The following NBEAL1 variants were observed in gnomAD, a reference collection of about 807,000 sequenced individuals.
NBEAL1 encodes neurobeachin-like protein 1.
NBEAL1 carries 273 observed loss-of-function variants against 351.3 expected under a neutral mutation model. That is an observed-to-expected ratio of 0.78 (90% CI 0.70 to 0.86). The LOEUF (loss-of-function observed/expected upper bound fraction) is 0.86, where lower values mean the gene tolerates loss of function less well. NBEAL1 is among the 40% of genes least tolerant of loss of function. The pLI is 0.00. For missense variants in NBEAL1, 2,961 were observed against 3,201.3 expected (o/e 0.92, Z 1.81); for synonymous variants, 1,050 against 1,086.4 (o/e 0.97, Z 0.66).
intron 1 of NBEAL1, among the ~76,000 whole-genome samples, chr2:203,015,420 C>A (rs2060661450): frequency 6.6e-6 from 1 of 151,756 alleles, no homozygotes. Context: ...CTCCCCCGCC[C>A]CCACGCCCTG....
At position 203,110,063 on chromosome 2, in the gene NBEAL1, A is replaced by G. The variant is rs991789747; in HGVS notation, c.1950-87A>G. 6 of 1,289,986 alleles carry G rather than the reference A, an allele frequency of 4.7e-6. No homozygotes were observed. In the South Asian group the frequency reaches 6.5e-5, roughly 14 times the overall value. 79.9% of individuals were successfully genotyped at this position (1,289,986 alleles called of 1,614,324 possible). ...CACAGAATTGTGGGTAAAGATGTTCATGATGGCTTTATGGTTTTATGTACT... is the reference window on the plus strand; with the variant it reads ...CACAGAATTGTGGGTAAAGATGTTCGTGATGGCTTTATGGTTTTATGTACT... On this transcript the variant is annotated intron_variant, in intron 14 of 55. Transcript: ENST00000683969.
intron 31 of NBEAL1, among the ~76,000 whole-genome samples, chr2:203,140,682 AAAAT>A (rs538112620): frequency 1.0e-3 from 159 of 152,320 alleles, no homozygotes; most frequent in African/African-American, 3.6e-3. Context: ...GAACTTAAAA[AAAAT>A]GATTATACTC....
chr2:203,030,079 CAGA>C (rs1251571290), intron 2 of NBEAL1, among the ~76,000 whole-genome samples: 1 of 152,164 alleles, frequency 6.6e-6, no homozygotes, highest in Non-Finnish European at 1.5e-5. Flanking sequence ...TTAATAGTTA[CAGA>C]AGATGTTCCA....
chr2:203,157,725 G>A lies in NBEAL1; in HGVS notation c.5614G>A (p.Asp1872Asn), dbSNP rs770713636. 1 of 1,600,064 alleles carries A rather than the reference G, an allele frequency of 6.2e-7. No homozygotes were observed. ...LGIQHSQPSS[D>N]TLLLEVVKQV... ...TATCCAACACTCACAGCCTTCCAGT[G>A]ATACATTGCTTTTGGAAGTAGTGAA... is the stretch of plus-strand genomic sequence containing the variant. Residue 1872 changes from aspartate to asparagine, a missense_variant, in exon 36 of 56, where the codon GAT (aspartate) becomes AAT (asparagine). Physicochemically the swap from Asp to Asn is conservative, Grantham distance 23 (BLOSUM62 1). Transcript: ENST00000683969.
intron 38 of NBEAL1, among the ~76,000 whole-genome samples, chr2:203,168,666 T>A (rs1053502858): frequency 1.3e-5 from 2 of 152,008 alleles, no homozygotes; most frequent in Non-Finnish European, 2.9e-5. Context: ...GAGGCCAAGG[T>A]GGCTGGATCA....
intron 7 of NBEAL1, among the ~76,000 whole-genome samples, chr2:203,071,517 A>G (rs1476253823): frequency 1.3e-5 from 2 of 152,148 alleles, no homozygotes; most frequent in Non-Finnish European, 2.9e-5. Flanking sequence ...AGTTCACTCT[A>G]TACCACTCTG....
chr2:203,210,651 G>A (rs552166737), intron 53 of NBEAL1, among the ~76,000 whole-genome samples: 5 of 152,278 alleles, frequency 3.3e-5, no homozygotes, highest in African/African-American at 1.2e-4. Flanking sequence ...GTGACAGAAC[G>A]AGGCTCCATC....
At chr2:203,138,585 T>G (rs375443871) in intron 30 of NBEAL1, 35 bp from the exon 31 acceptor site, 192 of 1,551,766 alleles carry the variant, frequency 1.2e-4, no homozygotes, top group Middle Eastern at 5.2e-4. Context: ...AAAAACTGAA[T>G]GTTTTTATTT....
chr2:203,206,468 C>A (rs2065565812), intron 51 of NBEAL1, among the ~76,000 whole-genome samples: 1 of 152,114 alleles, frequency 6.6e-6, no homozygotes, highest in Non-Finnish European at 1.5e-5. Flanking sequence ...GATGCCGAGC[C>A]AAAGCTGGAC....
At chr2:203,162,790 T>C (rs1456029043) in intron 36 of NBEAL1, among the ~76,000 whole-genome samples, 1 of 152,180 alleles carries the variant, frequency 6.6e-6, no homozygotes, top group African/African-American at 2.4e-5. Flanking sequence ...CAAATTAATA[T>C]AATATCAAAA....
intron 18 of NBEAL1, 123 bp from the exon 19 acceptor site, chr2:203,122,131 T>C (rs954762864): frequency 1.8e-6 from 1 of 560,280 alleles, no homozygotes; most frequent in African/African-American, 2.0e-5. Context: ...AAATTCATAT[T>C]ATGGGCATCT....
intron 51 of NBEAL1, among the ~76,000 whole-genome samples, chr2:203,206,859 AG>A (rs1204335754): frequency 6.7e-6 from 1 of 148,732 alleles, no homozygotes; most frequent in Non-Finnish European, 1.5e-5. Flanking sequence ...GGAAGTGAGG[AG>A]GGTCTCTGCC....
At chr2:203,178,189 G>C (rs1175871735) in intron 42 of NBEAL1, among the ~76,000 whole-genome samples, 5 of 138,500 alleles carry the variant, frequency 3.6e-5, no homozygotes, top group Non-Finnish European at 7.6e-5. Context: ...TTCTGAGACA[G>C]AGTCTCACTC....
At chr2:203,108,444 G>A (rs1169426978) in intron 14 of NBEAL1, among the ~76,000 whole-genome samples, 2 of 151,574 alleles carry the variant, frequency 1.3e-5, no homozygotes, top group African/African-American at 4.9e-5. Context: ...TGTCACCCAG[G>A]CTAGAGTGCA....
intron 2 of NBEAL1, among the ~76,000 whole-genome samples, chr2:203,033,857 CTCTG>C (rs2060993257): frequency 6.6e-6 from 1 of 152,136 alleles, no homozygotes; most frequent in Admixed American, 6.5e-5. Context: ...GCTGTTTTCT[CTCTG>C]TCTGGATTCC....
Position 203,136,202 on chromosome 2 carries a change from A to G in NBEAL1, c.4339A>G (p.Thr1447Ala). The change falls in exon 28 of 56, where the codon ACA (threonine) becomes GCA (alanine). Residue 1447 changes from threonine (T) to alanine (A), a missense_variant. Thr to Ala is a moderately conservative substitution (Grantham distance 58). Coordinates refer to ENST00000683969, the MANE Select transcript of NBEAL1 (RefSeq NM_001378026.1). Reference sequence around the variant, plus strand: ...GCACTCTGACAGAGAAAGCAGCATCACAAATGATATGGGCTTTAGTGATGA... The same window carrying G: ...GCACTCTGACAGAGAAAGCAGCATCGCAAATGATATGGGCTTTAGTGATGA... ...SVHSDRESSI[T>A]NDMGFSDDFS... 1 of 1,610,418 alleles carries G rather than the reference A, an allele frequency of 6.2e-7. No individual in the cohort carries two copies. The highest frequency in any genetic ancestry group is 8.5e-7 in the Non-Finnish European group (1 of 1,178,988).
intron 35 of NBEAL1, among the ~76,000 whole-genome samples, chr2:203,154,850 G>A (rs2063755475): frequency 6.7e-6 from 1 of 148,958 alleles, no homozygotes; most frequent in Non-Finnish European, 1.5e-5. Flanking sequence ...TGAGAAGATT[G>A]CTTGAACCCA....
Position 203,135,807 on chromosome 2 carries a change from G to GTA in NBEAL1, c.3945_3946dup (p.Arg1316IlefsTer5), listed in dbSNP as rs747830800. 6.2e-7 allele frequency: 1 copy of GTA among 1,613,572 alleles called. No individual in the cohort carries two copies. Among genetic ancestry groups the GTA allele is most frequent in the South Asian group, 1.1e-5 (1 of 90,996 alleles). On this transcript the variant is annotated frameshift_variant, in exon 28 of 56. Coordinates refer to ENST00000683969, the MANE Select transcript of NBEAL1 (RefSeq NM_001378026.1). LOFTEE classifies it high-confidence loss of function. Reference sequence around the variant, plus strand: ...AACGGAAATACTCTTCATAAGCACAGTAGAGCTGTTTTAATGAAAGACAAT... The same window carrying GTA: ...AACGGAAATACTCTTCATAAGCACAGTATAGAGCTGTTTTAATGAAAGACAAT...
chr2:203,179,796 TGAGACA>T (rs1387663358), intron 42 of NBEAL1, among the ~76,000 whole-genome samples: 1 of 152,116 alleles, frequency 6.6e-6, no homozygotes, highest in African/African-American at 2.4e-5. Flanking sequence ...CTTTTTTTTT[TGAGACA>T]GAGTCTTGCT....
Sources: allele counts gnomAD v4.1 joint callset (sites outside exome capture counted in the v4.1 genomes callset), GRCh38; gene constraint gnomAD v4.1.1; transcripts MANE v1.5; gene names NCBI Gene and HGNC (gene_info 2026-07-23, HGNC 2026-07-21).